Variants in NCAM2 observed in about 807,000 individuals in gnomAD.
The protein encoded by NCAM2 is N-CAM-2.
In NCAM2, 30 loss-of-function variants were observed where a neutral mutation model predicts 98.1. The observed-to-expected ratio is 0.31, with a 90% CI of 0.23 to 0.41. NCAM2 has a LOEUF of 0.41. Ranked by LOEUF, NCAM2 falls within the 10% of genes least tolerant of loss-of-function variation. The pLI is 1.00. For missense variants in NCAM2, 867 were observed against 1,005.8 expected (o/e 0.86, Z 1.87); for synonymous variants, 368 against 342.4 (o/e 1.07, Z -0.83).
At chr21:21,029,255 G>A (rs1449667227) in intron 1 of NCAM2, among the ~76,000 whole-genome samples, 1 of 152,162 alleles carries the variant, frequency 6.6e-6, no homozygotes, top group African/African-American at 2.4e-5. Context: ...TTTTTCAGAT[G>A]AAATCTGTGA....
intron 12 of NCAM2, among the ~76,000 whole-genome samples, chr21:21,454,921 G>T (rs2146157939): frequency 6.6e-6 from 1 of 151,930 alleles, no homozygotes; most frequent in East Asian, 1.9e-4. Context: ...TTAAGCAGGT[G>T]GTTAGTACCA....
At chr21:21,434,674 A>G (rs1231073630) in intron 12 of NCAM2, among the ~76,000 whole-genome samples, 1 of 152,186 alleles carries the variant, frequency 6.6e-6, no homozygotes, top group Non-Finnish European at 1.5e-5. Flanking sequence ...TTCCAGTATT[A>G]GAAAAAAAAA....
intron 1 of NCAM2, among the ~76,000 whole-genome samples, chr21:21,119,827 A>G (rs951474995): frequency 2.0e-5 from 3 of 152,214 alleles, no homozygotes; most frequent in Admixed American, 6.5e-5. Flanking sequence ...TAGTATTTTT[A>G]TGTTTATTGC....
intron 4 of NCAM2, among the ~76,000 whole-genome samples, chr21:21,287,383 G>A (rs2073140274): frequency 6.6e-6 from 1 of 151,918 alleles, no homozygotes; most frequent in South Asian, 2.1e-4. Context: ...TCTGAGCTTA[G>A]CATGTTCAAT....
intron 16 of NCAM2, among the ~76,000 whole-genome samples, chr21:21,530,899 C>G (rs1045162171): frequency 3.3e-5 from 5 of 152,010 alleles, no homozygotes; most frequent in African/African-American, 1.2e-4. Context: ...CCACAGAAGT[C>G]TATTCCAATT....
intron 6 of NCAM2, among the ~76,000 whole-genome samples, chr21:21,333,796 T>G (rs1439583128): frequency 6.6e-6 from 1 of 152,018 alleles, no homozygotes; most frequent in African/African-American, 2.4e-5. Flanking sequence ...TAATTTTCAT[T>G]GAAGATATTG....
At chr21:21,504,271 T>G (rs1269541597) in intron 15 of NCAM2, among the ~76,000 whole-genome samples, 1 of 151,996 alleles carries the variant, frequency 6.6e-6, no homozygotes, top group East Asian at 1.9e-4. Context: ...TCTCTGGATC[T>G]CAGTTTTCTT....
At chr21:21,153,400 C>T (rs1179279255) in intron 1 of NCAM2, among the ~76,000 whole-genome samples, 1 of 151,684 alleles carries the variant, frequency 6.6e-6, no homozygotes, top group Non-Finnish European at 1.5e-5. Context: ...CACTACTATG[C>T]TGTGTTTATT....
chr21:21,214,728 T>A (rs1422413177), intron 1 of NCAM2, among the ~76,000 whole-genome samples: 1 of 76,006 alleles, frequency 1.3e-5, no homozygotes, highest in Non-Finnish European at 3.6e-5. Context: ...ATTCCATATA[T>A]ATATATATAT....
At chr21:21,073,218 C>G (rs1466361052) in intron 1 of NCAM2, among the ~76,000 whole-genome samples, 1 of 152,000 alleles carries the variant, frequency 6.6e-6, no homozygotes, top group East Asian at 1.9e-4. Context: ...GTCCATTTAT[C>G]TATTGATGGA....
chr21:21,398,378 A>T (rs1202984234), intron 9 of NCAM2, among the ~76,000 whole-genome samples: 1 of 152,190 alleles, frequency 6.6e-6, no homozygotes, highest in Non-Finnish European at 1.5e-5. Context: ...TATCCTTAGA[A>T]CCAAACACCA....
chr21:21,136,464 CTT>C (rs10540758), intron 1 of NCAM2, among the ~76,000 whole-genome samples: 52 of 146,756 alleles, frequency 3.5e-4, no homozygotes, highest in East Asian at 4.0e-4. Flanking sequence ...CAATTTATCT[CTT>C]TTTTTTTTTT....
intron 1 of NCAM2, among the ~76,000 whole-genome samples, chr21:21,021,915 A>G (rs1246300842): frequency 6.6e-6 from 1 of 152,134 alleles, no homozygotes; most frequent in East Asian, 1.9e-4. Flanking sequence ...GTTTTATGTC[A>G]TGCACATAGT....
chr21:21,502,612 T>G (rs1310754984), intron 15 of NCAM2, among the ~76,000 whole-genome samples: 1 of 151,984 alleles, frequency 6.6e-6, no homozygotes, highest in East Asian at 1.9e-4. Flanking sequence ...GGGAGTATAT[T>G]GTACTACGAA....
chr21:21,283,452 A>T (rs1006913547), intron 2 of NCAM2, among the ~76,000 whole-genome samples: 1 of 151,938 alleles, frequency 6.6e-6, no homozygotes, highest in African/African-American at 2.4e-5. Context: ...TAGATTCTGA[A>T]TTGGAAAACT....
At chr21:21,062,838 A>T (rs1200149511) in intron 1 of NCAM2, among the ~76,000 whole-genome samples, 1 of 152,226 alleles carries the variant, frequency 6.6e-6, no homozygotes, top group Non-Finnish European at 1.5e-5. Flanking sequence ...ATTTAAAAAC[A>T]TTGTGTCATA....
intron 8 of NCAM2, among the ~76,000 whole-genome samples, chr21:21,339,110 G>C (rs1834963054): frequency 6.6e-6 from 1 of 152,096 alleles, no homozygotes; most frequent in Admixed American, 6.6e-5. Context: ...ACAAACTACA[G>C]TCCATAGGGC....
At chr21:21,348,351 A>G (rs1404508019) in intron 8 of NCAM2, among the ~76,000 whole-genome samples, 1 of 152,120 alleles carries the variant, frequency 6.6e-6, no homozygotes, top group Non-Finnish European at 1.5e-5. Flanking sequence ...TCCCATTTGC[A>G]ATAGCTGCAC....
intron 1 of NCAM2, among the ~76,000 whole-genome samples, chr21:21,265,484 A>T (rs973557158): frequency 7.1e-6 from 1 of 140,410 alleles, no homozygotes; most frequent in Non-Finnish European, 1.5e-5. Flanking sequence ...TATATTATAT[A>T]TACACATATA....
Sources: gnomAD v4.1 joint callset for allele counts (sites outside exome capture counted in the v4.1 genomes callset) on GRCh38, gnomAD v4.1.1 for gene constraint, MANE v1.5 for transcripts, NCBI Gene and HGNC (gene_info 2026-07-23, HGNC 2026-07-21) for gene names.